NEGR1: variants seen among roughly 807,000 people sequenced by gnomAD.
The protein encoded by NEGR1 is IgLON family member 4.
A neutral mutation model predicts 40.9 loss-of-function variants in NEGR1; 10 were observed. The ratio of observed to expected loss-of-function variants is 0.24; its 90% CI spans 0.15 to 0.42. The LOEUF is 0.42. Ranked by LOEUF, NEGR1 falls within the 10% of genes least tolerant of loss-of-function variation. The pLI is 1.00. For missense variants in NEGR1, 352 were observed against 438.9 expected (o/e 0.80, Z 1.77); for synonymous variants, 185 against 166.8 (o/e 1.11, Z -0.84).
intron 1 of NEGR1, among the ~76,000 whole-genome samples, chr1:72,215,180 G>A (rs975822476): frequency 1.3e-5 from 2 of 152,004 alleles, no homozygotes; most frequent in African/African-American, 4.8e-5. Flanking sequence ...AATAGAAACT[G>A]GACCCCTTCC....
At chr1:71,873,232 G>A (rs1343887533) in intron 2 of NEGR1, among the ~76,000 whole-genome samples, 1 of 150,982 alleles carries the variant, frequency 6.6e-6, no homozygotes, top group Non-Finnish European at 1.5e-5. Context: ...AGTAATTTGA[G>A]TTTTGGGTTT....
chr1:72,094,689 C>T (rs1648631164), intron 1 of NEGR1, among the ~76,000 whole-genome samples: 1 of 152,150 alleles, frequency 6.6e-6, no homozygotes, highest in African/African-American at 2.4e-5. Flanking sequence ...CTGCTTGGAG[C>T]ACACTTTTGT....
intron 1 of NEGR1, among the ~76,000 whole-genome samples, chr1:72,079,141 A>G (rs1024058883): frequency 6.7e-6 from 1 of 149,220 alleles, no homozygotes; most frequent in Non-Finnish European, 1.5e-5. Flanking sequence ...TCCAAATTAA[A>G]TGAGTGCCAA....
chr1:71,498,081 G>C (rs1646976883), intron 6 of NEGR1, among the ~76,000 whole-genome samples: 1 of 150,934 alleles, frequency 6.6e-6, no homozygotes, highest in South Asian at 2.1e-4. Context: ...TTAAGTCTGA[G>C]CCTGTCCTGT....
intron 1 of NEGR1, among the ~76,000 whole-genome samples, chr1:72,085,651 G>T (rs545747390): frequency 6.6e-6 from 1 of 151,856 alleles, no homozygotes; most frequent in Non-Finnish European, 1.5e-5. Flanking sequence ...TTAGTATTTC[G>T]CTCTTAAAAT....
chr1:72,070,411 A>G (rs1647412026), intron 1 of NEGR1, among the ~76,000 whole-genome samples: 2 of 152,078 alleles, frequency 1.3e-5, no homozygotes, highest in East Asian at 1.9e-4. Flanking sequence ...AGTCCTGTCA[A>G]TATTAGATAT....
intron 6 of NEGR1, among the ~76,000 whole-genome samples, chr1:71,471,633 TAAAAC>T (rs1337299733): frequency 2.1e-5 from 3 of 144,582 alleles, no homozygotes; most frequent in African/African-American, 7.8e-5. Flanking sequence ...AGACTCTGTC[TAAAAC>T]AAAACAAAAC....
chr1:71,811,330 A>T (rs924990440), intron 2 of NEGR1, among the ~76,000 whole-genome samples: 3 of 152,056 alleles, frequency 2.0e-5, no homozygotes, highest in African/African-American at 7.2e-5. Flanking sequence ...AGGCACAGAA[A>T]ATTCAAGTTC....
At chr1:72,158,094 G>C (rs1651427161) in intron 1 of NEGR1, among the ~76,000 whole-genome samples, 2 of 152,162 alleles carry the variant, frequency 1.3e-5, no homozygotes, top group Non-Finnish European at 2.9e-5. Context: ...GAAGGGATCA[G>C]TAATTTTGAA....
chr1:71,839,668 C>T (rs1659168742), intron 2 of NEGR1, among the ~76,000 whole-genome samples: 1 of 152,132 alleles, frequency 6.6e-6, no homozygotes, highest in Admixed American at 6.6e-5. Context: ...CAACAGGCTG[C>T]TTCTTCATTT....
intron 6 of NEGR1, among the ~76,000 whole-genome samples, chr1:71,584,538 T>C (rs1649238885): frequency 6.6e-6 from 1 of 152,160 alleles, no homozygotes. Flanking sequence ...AGGGGTCACA[T>C]TTCCATTTTC....
At chr1:71,671,893 CTTTTTT>C (rs10708807) in intron 4 of NEGR1, among the ~76,000 whole-genome samples, 1 of 121,582 alleles carries the variant, frequency 8.2e-6, no homozygotes, top group Non-Finnish European at 1.7e-5. Context: ...CTCTCTCTCT[CTTTTTT>C]TTTTTTTTTT....
At chr1:71,505,383 G>A (rs1013958220) in intron 6 of NEGR1, among the ~76,000 whole-genome samples, 5 of 152,028 alleles carry the variant, frequency 3.3e-5, no homozygotes, top group African/African-American at 1.2e-4. Context: ...CCGGGTTCAC[G>A]CCATTCTCCT....
chr1:71,842,697 T>C (rs1659284501), intron 2 of NEGR1, among the ~76,000 whole-genome samples: 1 of 152,198 alleles, frequency 6.6e-6, no homozygotes, highest in Non-Finnish European at 1.5e-5. Context: ...TTAATTCCAG[T>C]GGGCAGTGAT....
At chr1:72,105,349 G>A (rs185177809) in intron 1 of NEGR1, among the ~76,000 whole-genome samples, 5 of 152,090 alleles carry the variant, frequency 3.3e-5, no homozygotes, top group South Asian at 4.2e-4. Context: ...TCTGACTCTA[G>A]GAAGTGAGTA....
chr1:71,564,928 T>C (rs972854868), intron 6 of NEGR1, among the ~76,000 whole-genome samples: 2 of 152,108 alleles, frequency 1.3e-5, no homozygotes, highest in Non-Finnish European at 2.9e-5. Context: ...ATTTGCAGTG[T>C]AGGGTTCATC....
At chr1:72,277,865 G>T (rs1353787422) in intron 1 of NEGR1, among the ~76,000 whole-genome samples, 1 of 152,094 alleles carries the variant, frequency 6.6e-6, no homozygotes, top group Non-Finnish European at 1.5e-5. Context: ...TGTGAGTCTT[G>T]AATATTATTC....
intron 2 of NEGR1, among the ~76,000 whole-genome samples, chr1:71,825,826 G>T (rs558157491): frequency 6.6e-6 from 1 of 152,002 alleles, no homozygotes; most frequent in Admixed American, 6.6e-5. Flanking sequence ...GAATTATATA[G>T]TAAAGAACTA....
At chr1:71,861,173 T>C (rs1192308970) in intron 2 of NEGR1, among the ~76,000 whole-genome samples, 1 of 152,086 alleles carries the variant, frequency 6.6e-6, no homozygotes, top group Non-Finnish European at 1.5e-5. Context: ...ATCTAATAAC[T>C]GTATGATCTT....
Sources: allele counts gnomAD v4.1 joint callset (sites outside exome capture counted in the v4.1 genomes callset), GRCh38; gene constraint gnomAD v4.1.1; transcripts MANE v1.5; gene names NCBI Gene and HGNC (gene_info 2026-07-23, HGNC 2026-07-21).